SEMA5B: variants seen among roughly 807,000 people sequenced by gnomAD.
SEMA5B encodes semaphorin-5B.
SEMA5B carries 66 observed loss-of-function variants against 135.0 expected under a neutral mutation model. That is an observed-to-expected ratio of 0.49 (90% CI 0.40 to 0.60). SEMA5B has a LOEUF of 0.60. Among genes scored for constraint, SEMA5B ranks in the 20% least tolerant of loss-of-function variants. SEMA5B has a pLI of 0.00. For missense variants in SEMA5B, 1,501 were observed against 1,566.3 expected (o/e 0.96, Z 0.70); for synonymous variants, 690 against 639.5 (o/e 1.08, Z -1.19).
At chr3:123,008,524 G>C (rs1333908141) in intron 1 of SEMA5B, among the ~76,000 whole-genome samples, 11 of 152,178 alleles carry the variant, frequency 7.2e-5, no homozygotes, top group Non-Finnish European at 1.6e-4. Context: ...GATCTGAATG[G>C]GAGGAGAGGA....
chr3:122,980,536 T>C (rs1287698518), intron 1 of SEMA5B, among the ~76,000 whole-genome samples: 1 of 151,558 alleles, frequency 6.6e-6, no homozygotes, highest in Non-Finnish European at 1.5e-5. Context: ...TGACTGATGG[T>C]CAGCTTCCCT....
intron 9 of SEMA5B, among the ~76,000 whole-genome samples, chr3:122,924,841 C>G (rs62261732): frequency 3.9e-5 from 6 of 152,212 alleles, no homozygotes; most frequent in Non-Finnish European, 8.8e-5. Flanking sequence ...CACCACTCCT[C>G]TATACTGTTA....
intron 1 of SEMA5B, among the ~76,000 whole-genome samples, chr3:122,982,866 C>T (rs1941565045): frequency 6.6e-6 from 1 of 152,258 alleles, no homozygotes; most frequent in Admixed American, 6.5e-5. Context: ...ATTTGTTCGG[C>T]TGCCCTGGTC....
At position 122,914,074 on chromosome 3, in the gene SEMA5B, G is replaced by A. The variant is rs1243993442; in HGVS notation, c.1989-73C>T. 7 of 1,453,764 alleles carry A rather than the reference G, an allele frequency of 4.8e-6. No individual in the cohort carries two copies. The East Asian group carries it at 1.2e-4, about 25-fold the overall frequency. 90.1% of individuals were successfully genotyped at this position (1,453,764 alleles called of 1,614,324 possible). ...CTTCTTAGATCTAGTCTGTCTCTGGGCCGATGTATTTTCTACTGCTGTCAG... is the reference window on the plus strand; with the variant it reads ...CTTCTTAGATCTAGTCTGTCTCTGGACCGATGTATTTTCTACTGCTGTCAG... On this transcript the variant is annotated intron_variant, in intron 14 of 22. Coordinates refer to ENST00000357599, the MANE Select transcript of SEMA5B (RefSeq NM_001031702.4).
intron 4 of SEMA5B, among the ~76,000 whole-genome samples, chr3:122,943,219 C>G (rs574963783): frequency 6.6e-6 from 1 of 152,320 alleles, no homozygotes; most frequent in South Asian, 2.1e-4. Context: ...GGGCCTGCAG[C>G]TGGCTGAGAT....
At chr3:122,928,025 G>A in intron 7 of SEMA5B, 22 bp from the exon 8 acceptor site, 1 of 1,440,730 alleles carries the variant, frequency 6.9e-7, no homozygotes, top group Non-Finnish European at 9.2e-7. Flanking sequence ...GGGGAGAAGG[G>A]GACACTTTTC....
chr3:122,939,751 C>T (rs3732826), intron 4 of SEMA5B, among the ~76,000 whole-genome samples: 38,239 of 152,076 alleles, frequency 0.25, 4,847 homozygotes, highest in East Asian at 0.33. Context: ...CCCAGACTTT[C>T]CTCCAAGTTC....
intron 1 of SEMA5B, among the ~76,000 whole-genome samples, chr3:123,011,330 C>A (rs1032253294): frequency 6.6e-6 from 1 of 152,232 alleles, no homozygotes; most frequent in Non-Finnish European, 1.5e-5. Context: ...CATCGATCAT[C>A]CAAGACATGG....
At chr3:123,018,392 G>A (rs768225867) in intron 1 of SEMA5B, among the ~76,000 whole-genome samples, 16 of 152,220 alleles carry the variant, frequency 1.1e-4, no homozygotes, top group Admixed American at 2.0e-4. Context: ...CACCCTCAGC[G>A]TTTTCTCCCT....
chr3:122,938,608 C>T (rs899395445), intron 5 of SEMA5B, among the ~76,000 whole-genome samples: 7 of 152,158 alleles, frequency 4.6e-5, no homozygotes, highest in African/African-American at 1.4e-4. Flanking sequence ...TCCTGAAGGC[C>T]AGAGACTCTG....
At chr3:122,986,277 C>T (rs553010590) in intron 1 of SEMA5B, among the ~76,000 whole-genome samples, 278 of 152,284 alleles carry the variant, frequency 1.8e-3, no homozygotes, top group Non-Finnish European at 3.1e-3. Flanking sequence ...TAATGGGAAA[C>T]TTGAAATTAT....
At chr3:122,966,709 CGCG>C (rs1940852416) in intron 1 of SEMA5B, among the ~76,000 whole-genome samples, 4 of 150,518 alleles carry the variant, frequency 2.7e-5, no homozygotes, top group Non-Finnish European at 4.4e-5. Flanking sequence ...CCCCCGCCAC[CGCG>C]CCCAGCTAAT....
At position 122,910,281 on chromosome 3, in the gene SEMA5B, C is replaced by T. The variant is rs149356662; in HGVS notation, c.3318G>A (p.Leu1106=). ...AGAAGTTGGCTCTGTCATCAGGGAT[C>T]AAGTTATTCTTGTTCAGGGTCTGTG... ...MEFKTLNKNN[L]IPDDRANFYP... is the part of the protein sequence containing the mutation. Residue 1106 remains leucine (L), a synonymous_variant, in exon 23 of 23, where the codon TTG becomes TTA. Coordinates refer to ENST00000357599, the MANE Select transcript of SEMA5B (RefSeq NM_001031702.4). 8.3e-5 allele frequency: 134 copies of T among 1,613,970 alleles called. No homozygotes were observed. The highest frequency in any genetic ancestry group is 8.5e-5 in the Non-Finnish European group (100 of 1,179,996).
At chr3:122,935,686 CTTTTTTTTTTTTTTT>C (rs147968317) in intron 5 of SEMA5B, among the ~76,000 whole-genome samples, 1 of 70,260 alleles carries the variant, frequency 1.4e-5, no homozygotes, top group South Asian at 5.9e-4. Context: ...TTCTTTCTTT[CTTTTTTTTTTTTTTT>C]TTTTTTTTTG....
intron 2 of SEMA5B, among the ~76,000 whole-genome samples, chr3:122,954,125 T>C (rs1425894460): frequency 1.3e-5 from 2 of 152,238 alleles, no homozygotes; most frequent in Non-Finnish European, 2.9e-5. Context: ...AGCAGCATGA[T>C]CATAGCTCAC....
chr3:122,912,422 C>T, intron 18 of SEMA5B, 80 bp from the exon 19 acceptor site: 2 of 1,320,966 alleles, frequency 1.5e-6, no homozygotes, highest in Non-Finnish European at 2.0e-6. Context: ...CCAGCCCAGA[C>T]CACTCTGCCC....
At chr3:122,935,366 C>T (rs1161895375) in intron 5 of SEMA5B, among the ~76,000 whole-genome samples, 2 of 150,562 alleles carry the variant, frequency 1.3e-5, no homozygotes, top group Admixed American at 6.7e-5. Flanking sequence ...GATCACACCC[C>T]ATCAGTGCCC....
At chr3:122,928,237 G>A (rs376471573) in intron 7 of SEMA5B, among the ~76,000 whole-genome samples, 1 of 152,128 alleles carries the variant, frequency 6.6e-6, no homozygotes, top group South Asian at 2.1e-4. Flanking sequence ...CCAAGGTAAG[G>A]CTGACCAACA....
rs3080430 is a variant in SEMA5B, at chr3:123,023,322, G to GCACACACACA, written c.-39+4132_-39+4141dup. Among the ~76,000 whole-genome samples the GCACACACACA allele has an allele frequency of 2.4e-3, 345 of 144,032 alleles. 1 individual carries two copies. The highest frequency in any genetic ancestry group is 4.2e-3 in the African/African-American group (167 of 39,480). 94.5% of individuals were successfully genotyped at this position (144,032 alleles called of 152,430 possible). A position where few individuals can be genotyped will look rare whatever the true frequency, so the allele number is the denominator to read the frequency against. On this transcript the variant is annotated intron_variant, in intron 1 of 22. Coordinates refer to ENST00000357599, the MANE Select transcript of SEMA5B (RefSeq NM_001031702.4). ...CATTCATTAGAAGTAACTATTTCCAGCACACACACACACACACACACACAC... is the reference window on the plus strand; with the variant it reads ...CATTCATTAGAAGTAACTATTTCCAGCACACACACACACACACACACACACACACACACAC...
Sources: allele counts gnomAD v4.1 joint callset (sites outside exome capture counted in the v4.1 genomes callset), GRCh38; gene constraint gnomAD v4.1.1; transcripts MANE v1.5; gene names NCBI Gene and HGNC (gene_info 2026-07-23, HGNC 2026-07-21).